The following SENP6 variants were observed in gnomAD, a reference collection of about 807,000 sequenced individuals.
SENP6 encodes sentrin-specific protease 6.
In SENP6, 41 loss-of-function variants were observed where a neutral mutation model predicts 134.5. The ratio of observed to expected loss-of-function variants is 0.30; its 90% CI spans 0.24 to 0.40. The LOEUF (loss-of-function observed/expected upper bound fraction) is 0.40, where lower values mean the gene tolerates loss of function less well. Ranked by LOEUF, SENP6 falls within the 10% of genes least tolerant of loss-of-function variation. The probability of loss-of-function intolerance (pLI) is 1.00; values close to 1 mark genes in which losing one functional copy is unlikely to be tolerated. For synonymous variants in SENP6, 395 were observed against 429.8 expected (o/e 0.92, Z 1.00); for missense variants, 1,248 against 1,312.5 (o/e 0.95, Z 0.76).
rs115885156 is a variant in SENP6 at position 75,671,152 on chromosome 6, G to A, written c.1392+432G>A. On this transcript the variant is annotated intron_variant, in intron 11 of 23. Transcript: ENST00000447266. ...ATAATGGCTGCCCAAAGGACTTTGT[G>A]TACTTTATCTTACCCATCATACCTG... 3.3e-3 allele frequency among the ~76,000 whole-genome samples: 502 copies of A among 152,236 alleles called. 5 individuals carry two copies. Among genetic ancestry groups the A allele is most frequent in the African/African-American group, 0.012 (484 of 41,540 alleles).
In SENP6 at chr6:75,602,423, AC is replaced by A; in HGVS notation, c.-99del. 1 of 1,373,548 alleles carries A rather than the reference AC, an allele frequency of 7.3e-7. No homozygotes were observed. Among genetic ancestry groups the A allele is most frequent in the East Asian group, 2.5e-5 (1 of 39,876 alleles). 85.1% of individuals were successfully genotyped at this position (1,373,548 alleles called of 1,614,324 possible). On this transcript the variant is annotated 5_prime_UTR_variant, in exon 1 of 24. Coordinates refer to ENST00000447266, the MANE Select transcript of SENP6 (RefSeq NM_015571.4). Reference sequence around the variant, plus strand: ...CTGACGGCTGAGCCCGAGGCCCGCAACCCTGCGGCGTCTACCCTCCTCCGGC... The same window carrying A: ...CTGACGGCTGAGCCCGAGGCCCGCAACCTGCGGCGTCTACCCTCCTCCGGC...
intron 1 of SENP6, among the ~76,000 whole-genome samples, chr6:75,613,114 T>A (rs1181940223): frequency 6.9e-6 from 1 of 145,530 alleles, no homozygotes. Flanking sequence ...ATTCTGTCTT[T>A]AAAAAAAAAA....
At chr6:75,657,642 T>C (rs1330426408) in intron 7 of SENP6, among the ~76,000 whole-genome samples, 1 of 152,200 alleles carries the variant, frequency 6.6e-6, no homozygotes, top group African/African-American at 2.4e-5. Flanking sequence ...CCTTGTGTAG[T>C]TTCTAGATGC....
chr6:75,691,164 A>T (rs1774222177), intron 16 of SENP6, among the ~76,000 whole-genome samples: 1 of 148,946 alleles, frequency 6.7e-6, no homozygotes, highest in Non-Finnish European at 1.5e-5. Context: ...TTTTTCAAAG[A>T]CAGATTCTTA....
chr6:75,658,688 C>T (rs920770043), intron 7 of SENP6, among the ~76,000 whole-genome samples: 4 of 151,896 alleles, frequency 2.6e-5, no homozygotes, highest in Non-Finnish European at 4.4e-5. Flanking sequence ...AGTTTAGTTT[C>T]GTTTACCCAA....
Position 75,700,768 on chromosome 6 carries a change from A to G in SENP6, c.2289-1877A>G, listed in dbSNP as rs192147262. 3.8e-3 allele frequency among the ~76,000 whole-genome samples: 579 copies of G among 152,342 alleles called. 2 individuals carry two copies. Among genetic ancestry groups the G allele is most frequent in the Non-Finnish European group, 5.7e-3 (387 of 68,028 alleles). ...CAACCTCCCAAAGTGTTGGGATTACAGGTGTGAGCCACCGTGCCCGGCATC... is the reference window on the plus strand; with the variant it reads ...CAACCTCCCAAAGTGTTGGGATTACGGGTGTGAGCCACCGTGCCCGGCATC... On this transcript the variant is annotated intron_variant, in intron 18 of 23. Coordinates refer to ENST00000447266, the MANE Select transcript of SENP6 (RefSeq NM_015571.4).
intron 16 of SENP6, among the ~76,000 whole-genome samples, chr6:75,687,036 T>C (rs1378794848): frequency 6.6e-6 from 1 of 152,226 alleles, no homozygotes; most frequent in African/African-American, 2.4e-5. Context: ...GGTACACCAA[T>C]CAAATGTAGA....
At position 75,602,349 on chromosome 6, in the gene SENP6, C is replaced by A; in HGVS notation, c.-176C>A. ...CAGCCCGCGGACAGGCCCGGGCGCG[C>A]CTGGCCTGCCTTTGTATAGGCCCGT... is the stretch of plus-strand genomic sequence containing the variant. On this transcript the variant is annotated 5_prime_UTR_variant, in exon 1 of 24. Transcript: ENST00000447266. 1 of 624,414 alleles carries A rather than the reference C, an allele frequency of 1.6e-6. No homozygotes were observed. The highest frequency in any genetic ancestry group is 2.2e-5 in the South Asian group (1 of 44,728). 38.7% of individuals were successfully genotyped at this position (624,414 alleles called of 1,614,324 possible).
intron 5 of SENP6, among the ~76,000 whole-genome samples, chr6:75,640,056 T>C (rs756224987): frequency 1.4e-4 from 21 of 152,172 alleles, no homozygotes; most frequent in Non-Finnish European, 2.9e-4. Flanking sequence ...TTTTCAGATA[T>C]TGAGAATTAT....
intron 19 of SENP6, among the ~76,000 whole-genome samples, chr6:75,704,120 G>C (rs1424153416): frequency 1.3e-5 from 2 of 152,056 alleles, no homozygotes; most frequent in Admixed American, 1.3e-4. Context: ...GGTATGTCTC[G>C]TCAGGTGGGA....
intron 6 of SENP6, among the ~76,000 whole-genome samples, chr6:75,640,991 T>C (rs1245681935): frequency 1.3e-5 from 2 of 152,182 alleles, no homozygotes; most frequent in Non-Finnish European, 2.9e-5. Flanking sequence ...TTTTCTGGCT[T>C]TTTGAAAACA....
chr6:75,630,844 C>T (rs926124658), intron 3 of SENP6, among the ~76,000 whole-genome samples: 6 of 129,964 alleles, frequency 4.6e-5, no homozygotes, highest in African/African-American at 1.6e-4. Context: ...ATAAAACCAT[C>T]ATTTAAAAAA....
chr6:75,690,791 G>T (rs1278827504), intron 16 of SENP6, among the ~76,000 whole-genome samples: 1 of 151,830 alleles, frequency 6.6e-6, no homozygotes, highest in African/African-American at 2.4e-5. Context: ...CGCCTCACGG[G>T]TTCATGCCAT....
chr6:75,602,905 A>G (rs886436404), intron 1 of SENP6, among the ~76,000 whole-genome samples: 1 of 152,224 alleles, frequency 6.6e-6, no homozygotes, highest in East Asian at 1.9e-4. Flanking sequence ...GAGAGCAGCC[A>G]GCATTCACAT....
intron 1 of SENP6, among the ~76,000 whole-genome samples, chr6:75,606,711 G>A (rs1227150528): frequency 6.6e-6 from 1 of 152,114 alleles, no homozygotes; most frequent in Non-Finnish European, 1.5e-5. Context: ...AATGCTCATT[G>A]AATCAATTCA....
At chr6:75,636,831 GC>G (rs1476793745) in intron 5 of SENP6, among the ~76,000 whole-genome samples, 1 of 151,682 alleles carries the variant, frequency 6.6e-6, no homozygotes, top group Non-Finnish European at 1.5e-5. Flanking sequence ...AAACACATTG[GC>G]TTTTACAGCT....
At chr6:75,710,210 C>T (rs924142121) in intron 20 of SENP6, among the ~76,000 whole-genome samples, 2 of 151,774 alleles carry the variant, frequency 1.3e-5, no homozygotes, top group Non-Finnish European at 1.5e-5. Flanking sequence ...CTGCCTGATT[C>T]GATTTATATG....
chr6:75,655,598 T>G (rs776394431), intron 7 of SENP6, among the ~76,000 whole-genome samples: 1 of 152,232 alleles, frequency 6.6e-6, no homozygotes, highest in East Asian at 1.9e-4. Flanking sequence ...CAGGATCTTA[T>G]TTTGAGACTC....
intron 8 of SENP6, among the ~76,000 whole-genome samples, chr6:75,662,737 TA>T (rs1354374692): frequency 6.6e-6 from 1 of 152,196 alleles, no homozygotes; most frequent in Non-Finnish European, 1.5e-5. Context: ...TTGGGGATTT[TA>T]ATAGTAGGAA....
Sources: gnomAD v4.1 joint callset for allele counts (sites outside exome capture counted in the v4.1 genomes callset) on GRCh38, gnomAD v4.1.1 for gene constraint, MANE v1.5 for transcripts, NCBI Gene and HGNC (gene_info 2026-07-23, HGNC 2026-07-21) for gene names.